The following MYRIP variants were observed in gnomAD, a reference collection of about 807,000 sequenced individuals.
The protein encoded by MYRIP is myosin VIIA and Rab interacting protein.
MYRIP carries 49 observed loss-of-function variants against 98.0 expected under a neutral mutation model. The ratio of observed to expected loss-of-function variants is 0.50; its 90% CI spans 0.40 to 0.63. MYRIP has a LOEUF of 0.63. MYRIP is among the 30% of genes least tolerant of loss of function. The pLI is 0.00. For synonymous variants in MYRIP, 404 were observed against 409.5 expected (o/e 0.99, Z 0.16); for missense variants, 1,004 against 1,058.2 (o/e 0.95, Z 0.71).
intron 11 of MYRIP, among the ~76,000 whole-genome samples, chr3:40,223,245 C>A (rs968707670): frequency 6.9e-4 from 23 of 33,528 alleles, no homozygotes; most frequent in Admixed American, 3.0e-3. Context: ...AAAATCAAAA[C>A]CATCTGATAG....
chr3:39,846,108 C>T (rs1033788815), intron 1 of MYRIP, among the ~76,000 whole-genome samples: 1 of 152,062 alleles, frequency 6.6e-6, no homozygotes, highest in Non-Finnish European at 1.5e-5. Context: ...ACATGGATGG[C>T]GATTAGCATA....
At chr3:39,956,759 CAACA>C (rs1290465374) in intron 2 of MYRIP, among the ~76,000 whole-genome samples, 1 of 151,364 alleles carries the variant, frequency 6.6e-6, no homozygotes, top group Non-Finnish European at 1.5e-5. Flanking sequence ...TTGAAAAGAT[CAACA>C]AAATTGATAG....
intron 2 of MYRIP, among the ~76,000 whole-genome samples, chr3:40,038,279 C>G (rs1270806587): frequency 6.6e-6 from 1 of 151,892 alleles, no homozygotes; most frequent in Non-Finnish European, 1.5e-5. Context: ...GTTTTATAGC[C>G]TTAAATGCAT....
intron 1 of MYRIP, among the ~76,000 whole-genome samples, chr3:39,819,364 C>G (rs1941032799): frequency 2.0e-5 from 3 of 151,920 alleles, no homozygotes; most frequent in Admixed American, 6.6e-5. Flanking sequence ...AAAAAAATTA[C>G]CTAGCTGGGG....
intron 2 of MYRIP, 92 bp downstream of exon 2, chr3:39,901,018 G>A: frequency 8.0e-6 from 7 of 879,874 alleles, no homozygotes; most frequent in Non-Finnish European, 1.3e-5. Context: ...TGCTAGCCCT[G>A]AGTTTGGATA....
chr3:40,250,540 C>A, intron 15 of MYRIP, 41 bp downstream of exon 15: 1 of 1,606,278 alleles, frequency 6.2e-7, no homozygotes, highest in African/African-American at 1.3e-5. Flanking sequence ...AAAAATTAAG[C>A]CTGAATCATT....
intron 1 of MYRIP, among the ~76,000 whole-genome samples, chr3:39,890,702 T>C (rs1943463187): frequency 6.7e-6 from 1 of 149,952 alleles, no homozygotes; most frequent in South Asian, 2.1e-4. Flanking sequence ...GAGAAAGGAG[T>C]ATTTTTTGTT....
intron 11 of MYRIP, among the ~76,000 whole-genome samples, chr3:40,224,245 C>T (rs1285119605): frequency 6.6e-6 from 1 of 152,124 alleles, no homozygotes; most frequent in African/African-American, 2.4e-5. Context: ...TTATGAAGAT[C>T]ACCCTGGCTG....
chr3:40,058,810 T>C (rs183909506), intron 3 of MYRIP, among the ~76,000 whole-genome samples: 2 of 152,134 alleles, frequency 1.3e-5, no homozygotes, highest in African/African-American at 4.8e-5. Flanking sequence ...ATACTTTAAG[T>C]TCTGGGATAC....
intron 11 of MYRIP, among the ~76,000 whole-genome samples, chr3:40,221,981 C>T (rs893272527): frequency 6.6e-6 from 1 of 152,116 alleles, no homozygotes; most frequent in African/African-American, 2.4e-5. Context: ...TAGATTGGTC[C>T]AGATACAAGT....
intron 3 of MYRIP, among the ~76,000 whole-genome samples, chr3:40,126,100 C>A (rs1949521270): frequency 6.6e-6 from 1 of 152,176 alleles, no homozygotes; most frequent in Non-Finnish European, 1.5e-5. Flanking sequence ...TGAATCAGTA[C>A]TACCTTCTCA....
intron 1 of MYRIP, among the ~76,000 whole-genome samples, chr3:39,881,126 T>C (rs1943146740): frequency 6.6e-6 from 1 of 152,178 alleles, no homozygotes; most frequent in African/African-American, 2.4e-5. Context: ...GCATCCTGTT[T>C]CTTTTTCATG....
At position 40,027,645 on chromosome 3, in the gene MYRIP, C is replaced by G. The variant is rs895875362; in HGVS notation, c.111-16405C>G. 9.2e-5 allele frequency among the ~76,000 whole-genome samples: 14 copies of G among 152,064 alleles called. 1 individual carries two copies. Among genetic ancestry groups the G allele is most frequent in the African/African-American group, 3.4e-4 (14 of 41,412 alleles). On this transcript the variant is annotated intron_variant, in intron 2 of 16. Transcript: ENST00000302541. ...GAGAATACCTCATAATTTATAGTTA[C>G]TTTGTTTTGTTTAATTATTTATCAT...
intron 4 of MYRIP, among the ~76,000 whole-genome samples, chr3:40,155,609 C>A (rs1405421479): frequency 1.3e-5 from 2 of 150,684 alleles, no homozygotes; most frequent in Non-Finnish European, 3.0e-5. Flanking sequence ...GTCCCACCAA[C>A]AGTGTAAAAG....
At chr3:39,890,234 T>A (rs923194730) in intron 1 of MYRIP, among the ~76,000 whole-genome samples, 1 of 152,102 alleles carries the variant, frequency 6.6e-6, no homozygotes, top group Non-Finnish European at 1.5e-5. Flanking sequence ...GTTGCCACTA[T>A]GTTTCTTACT....
intron 8 of MYRIP, among the ~76,000 whole-genome samples, chr3:40,171,220 A>AG: frequency 6.6e-6 from 1 of 151,996 alleles, no homozygotes; most frequent in Non-Finnish European, 1.5e-5. Context: ...GCAAGGCAGG[A>AG]GGGGACACGG....
At chr3:40,080,999 A>G (rs1051542589) in intron 3 of MYRIP, among the ~76,000 whole-genome samples, 8 of 151,798 alleles carry the variant, frequency 5.3e-5, no homozygotes, top group African/African-American at 1.9e-4. Flanking sequence ...TCTTCGACCT[A>G]TGTGTTATCT....
intron 1 of MYRIP, among the ~76,000 whole-genome samples, chr3:39,875,986 G>A (rs1488685452): frequency 6.6e-6 from 1 of 152,012 alleles, no homozygotes; most frequent in Non-Finnish European, 1.5e-5. Flanking sequence ...AAGTCTCTTT[G>A]TAGGTCACTC....
chr3:39,947,433 C>G (rs1450808123), intron 2 of MYRIP, among the ~76,000 whole-genome samples: 2 of 151,698 alleles, frequency 1.3e-5, no homozygotes, highest in Non-Finnish European at 2.9e-5. Flanking sequence ...ATTAAAAAAC[C>G]TCCCAATAAG....
Sources: gnomAD v4.1 joint callset for allele counts (sites outside exome capture counted in the v4.1 genomes callset) on GRCh38, gnomAD v4.1.1 for gene constraint, MANE v1.5 for transcripts, NCBI Gene and HGNC (gene_info 2026-07-23, HGNC 2026-07-21) for gene names.